SUCLG2: variants seen among roughly 807,000 people sequenced by gnomAD.
SUCLG2 encodes succinate--CoA ligase [GDP-forming] subunit beta, mitochondrial.
In SUCLG2, 42 loss-of-function variants were observed where a neutral mutation model predicts 47.9. The ratio of observed to expected loss-of-function variants is 0.88; its 90% CI spans 0.69 to 1.14. The LOEUF (loss-of-function observed/expected upper bound fraction) is 1.14, where lower values mean the gene tolerates loss of function less well. SUCLG2 is among the 50% of genes most tolerant of loss of function. SUCLG2 has a pLI of 0.00. For synonymous variants in SUCLG2, 195 were observed against 197.3 expected, an observed-to-expected ratio of 0.99 and a Z score of 0.10; for missense variants, 571 against 525.9, an observed-to-expected ratio of 1.09 and a Z score of -0.84.
rs539581987 is a variant in SUCLG2, at chr3:67,433,121, TG to T, written c.1063-32271del. Reference sequence around the variant, plus strand: ...TTTTCCTCACTGTACTTCTGGGGGTTGGGGGAGGTTGCTGCTAGCCATTTCC... The same window carrying T: ...TTTTCCTCACTGTACTTCTGGGGGTTGGGGAGGTTGCTGCTAGCCATTTCC... On this transcript the variant is annotated intron_variant, in intron 9 of 10. Transcript: ENST00000307227. Among the ~76,000 whole-genome samples the T allele has an allele frequency of 5.4e-3, 825 of 152,182 alleles. 5 individuals are homozygous for T. The highest frequency in any genetic ancestry group is 9.2e-3 in the Non-Finnish European group (624 of 67,998).
intron 9 of SUCLG2, among the ~76,000 whole-genome samples, chr3:67,425,155 G>T (rs538399675): frequency 6.6e-6 from 1 of 152,166 alleles, no homozygotes; most frequent in African/African-American, 2.4e-5. Flanking sequence ...AATTTACTTT[G>T]TTTTTCTAAT....
chr3:67,573,806 C>T (rs1215317976), intron 2 of SUCLG2, among the ~76,000 whole-genome samples: 1 of 151,968 alleles, frequency 6.6e-6, no homozygotes, highest in Non-Finnish European at 1.5e-5. Flanking sequence ...CCCAATAAAA[C>T]CCTGTCTTAC....
chr3:67,528,278 G>T, intron 3 of SUCLG2, 56 bp from the exon 4 acceptor site: 1 of 1,509,916 alleles, frequency 6.6e-7, no homozygotes, highest in Non-Finnish European at 9.2e-7. Flanking sequence ...TCATTTAAAT[G>T]AGAGTCCTTA....
chr3:67,523,630 T>G (rs747147598), intron 4 of SUCLG2, among the ~76,000 whole-genome samples: 9 of 152,366 alleles, frequency 5.9e-5, no homozygotes, highest in African/African-American at 1.2e-4. Flanking sequence ...TTTCTAAGCA[T>G]CAACATTAAT....
chr3:67,484,775 C>G (rs948794245), intron 9 of SUCLG2, among the ~76,000 whole-genome samples: 2 of 151,886 alleles, frequency 1.3e-5, no homozygotes, highest in African/African-American at 4.8e-5. Flanking sequence ...CAAATTATCC[C>G]CAAGGATACA....
chr3:67,469,520 G>A (rs1003496548), intron 9 of SUCLG2, among the ~76,000 whole-genome samples: 7 of 150,580 alleles, frequency 4.6e-5, no homozygotes, highest in Non-Finnish European at 1.0e-4. Flanking sequence ...ACGAGGTCAG[G>A]AGTTCGAGAC....
At chr3:67,385,230 T>C (rs949654776) in intron 10 of SUCLG2, among the ~76,000 whole-genome samples, 1 of 152,166 alleles carries the variant, frequency 6.6e-6, no homozygotes, top group Non-Finnish European at 1.5e-5. Flanking sequence ...CTGCCCAGTT[T>C]TAAAACCTCT....
At chr3:67,550,121 T>C (rs1272262551) in intron 2 of SUCLG2, among the ~76,000 whole-genome samples, 3 of 152,186 alleles carry the variant, frequency 2.0e-5, no homozygotes, top group African/African-American at 7.2e-5. Flanking sequence ...TATTCTTCCC[T>C]GGGCCTGGGG....
Position 67,613,323 on chromosome 3 carries a change from T to A in SUCLG2, c.85-3727A>T, listed in dbSNP as rs369780142. ...CTCATTAGGGTAGAAAAGACACTCA[T>A]CACTTCAGATATCCCAAGGGTCTTA... is the stretch of plus-strand genomic sequence containing the variant. On this transcript the variant is annotated intron_variant, in intron 1 of 10. Coordinates refer to ENST00000307227, the MANE Select transcript of SUCLG2 (RefSeq NM_003848.4). Among the ~76,000 whole-genome samples the A allele has an allele frequency of 1.1e-4, 17 of 152,136 alleles. No individual in the cohort carries two copies. The East Asian group carries it at 1.5e-3, about 14-fold the overall frequency.
At chr3:67,589,969 TTGATACA>T (rs1480992500) in intron 2 of SUCLG2, among the ~76,000 whole-genome samples, 4 of 47,054 alleles carry the variant, frequency 8.5e-5, no homozygotes, top group Admixed American at 3.7e-4. Context: ...TTTAGTCTAC[TTGATACA>T]GCATTACCTT....
Position 67,500,514 on chromosome 3 carries a change from G to A in SUCLG2, c.758-2219C>T, listed in dbSNP as rs181111576. Among the ~76,000 whole-genome samples the A allele has an allele frequency of 4.1e-3, 618 of 152,222 alleles. 5 individuals are homozygous for A. The highest frequency in any genetic ancestry group is 0.013 in the African/African-American group (556 of 41,506). Reference sequence around the variant, plus strand: ...CATTGTGAATGGTTGGAGTGAATGAGTAATTACTTTCCAAAATATTGAAAG... The same window carrying A: ...CATTGTGAATGGTTGGAGTGAATGAATAATTACTTTCCAAAATATTGAAAG... On this transcript the variant is annotated intron_variant, in intron 7 of 10. Coordinates refer to ENST00000307227, the MANE Select transcript of SUCLG2 (RefSeq NM_003848.4).
chr3:67,399,739 AAC>A (rs1409064735), intron 10 of SUCLG2, among the ~76,000 whole-genome samples: 1 of 152,230 alleles, frequency 6.6e-6, no homozygotes, highest in African/African-American at 2.4e-5. Context: ...CTTAATGTGT[AAC>A]ACAGACCAAT....
chr3:67,582,524 G>T (rs1025684078), intron 2 of SUCLG2, among the ~76,000 whole-genome samples: 1 of 152,124 alleles, frequency 6.6e-6, no homozygotes, highest in African/African-American at 2.4e-5. Flanking sequence ...CCAGTGATGG[G>T]CACCTAAGTT....
intron 1 of SUCLG2, among the ~76,000 whole-genome samples, chr3:67,619,104 C>A (rs1258793062): frequency 2.0e-5 from 3 of 152,158 alleles, no homozygotes; most frequent in Non-Finnish European, 2.9e-5. Context: ...TCAGATTATC[C>A]AGAAACTGGA....
intron 1 of SUCLG2, among the ~76,000 whole-genome samples, chr3:67,653,789 G>A (rs776749647): frequency 1.3e-5 from 2 of 152,208 alleles, no homozygotes; most frequent in Non-Finnish European, 2.9e-5. Context: ...ATCTGCAGAA[G>A]GTAAAAATCT....
intron 2 of SUCLG2, among the ~76,000 whole-genome samples, chr3:67,565,184 C>G (rs960636378): frequency 6.6e-6 from 1 of 152,124 alleles, no homozygotes; most frequent in Non-Finnish European, 1.5e-5. Context: ...AAAACAGGTT[C>G]CTTGATTTCA....
chr3:67,632,430 G>A (rs897605008), intron 1 of SUCLG2, among the ~76,000 whole-genome samples: 4 of 152,050 alleles, frequency 2.6e-5, no homozygotes, highest in Admixed American at 1.3e-4. Flanking sequence ...TGATCTGCCC[G>A]CCTTGCCCTC....
intron 9 of SUCLG2, among the ~76,000 whole-genome samples, chr3:67,434,002 G>A (rs1205501427): frequency 6.6e-6 from 1 of 152,100 alleles, no homozygotes; most frequent in Non-Finnish European, 1.5e-5. Flanking sequence ...GCAAATCCAA[G>A]AGGCCACCAC....
chr3:67,637,960 A>C (rs1364030296), intron 1 of SUCLG2, among the ~76,000 whole-genome samples: 16 of 152,204 alleles, frequency 1.1e-4, no homozygotes, highest in Non-Finnish European at 1.5e-5. Context: ...TTTCTTAAGT[A>C]CTAGTAAATT....
Sources: allele counts gnomAD v4.1 joint callset (sites outside exome capture counted in the v4.1 genomes callset), GRCh38; gene constraint gnomAD v4.1.1; transcripts MANE v1.5; gene names NCBI Gene and HGNC (gene_info 2026-07-23, HGNC 2026-07-21).